LASP1: variants seen among roughly 807,000 people sequenced by gnomAD.
LASP1 encodes the protein LIM and SH3 protein 1.
Under a neutral mutation model 38.6 loss-of-function variants are expected in LASP1, and 10 were observed. That is an observed-to-expected ratio of 0.26 (90% confidence interval 0.16 to 0.44). The LOEUF is 0.44. Among genes scored for constraint, LASP1 ranks in the 20% least tolerant of loss-of-function variants. The pLI is 1.00. For synonymous variants in LASP1, 132 were observed against 140.8 expected (o/e 0.94, Z 0.44); for missense variants, 243 against 375.7 (o/e 0.65, Z 2.92).
At chr17:38,871,705 T>A (rs1167027904) in intron 1 of LASP1, among the ~76,000 whole-genome samples, 2 of 152,046 alleles carry the variant, frequency 1.3e-5, no homozygotes, top group Non-Finnish European at 2.9e-5. Context: ...TGAAAGATAT[T>A]TGAACTTGCT....
chr17:38,914,547 A>C, intron 5 of LASP1, 72 bp downstream of exon 5: 1 of 1,486,638 alleles, frequency 6.7e-7, no homozygotes, highest in South Asian at 1.3e-5. Context: ...CCAGGAGAAG[A>C]CAGACAGACA....
rs374865883 is a variant in LASP1, at chr17:38,918,619, G to A, written c.627G>A (p.Ala209=). The stretch of plus-strand genomic sequence containing the variant: ...TTCCCCCACAGAAGCGGTACCGCGC[G>A]GTGTATGACTACAGCGCCGCCGACG... ...APGGGGKRYR[A]VYDYSAADED... The change falls in exon 7 of 7, where the codon GCG becomes GCA. Residue 209 remains alanine, a synonymous_variant. Coordinates refer to ENST00000318008, the MANE Select transcript of LASP1 (RefSeq NM_006148.4). This position sits in a 1 kb window ranked among gnomAD's most constrained non-coding sequence, Gnocchi z 4.4. 352 of 1,600,274 alleles carry A rather than the reference G, an allele frequency of 2.2e-4. No homozygotes were observed. The highest frequency in any genetic ancestry group is 2.9e-4 in the Non-Finnish European group (337 of 1,169,550).
intron 4 of LASP1, among the ~76,000 whole-genome samples, chr17:38,911,852 G>C (rs902860030): frequency 1.3e-5 from 2 of 152,194 alleles, no homozygotes; most frequent in African/African-American, 4.8e-5. Flanking sequence ...GGAGTATAGT[G>C]GCATGATCTT....
chr17:38,887,798 T>G (rs1914186338), intron 2 of LASP1, among the ~76,000 whole-genome samples: 1 of 152,216 alleles, frequency 6.6e-6, no homozygotes, highest in Non-Finnish European at 1.5e-5. Flanking sequence ...CTCCAAATCC[T>G]GAGCCCTGCC....
intron 1 of LASP1, among the ~76,000 whole-genome samples, chr17:38,874,743 G>T (rs1246597437): frequency 6.6e-6 from 1 of 152,142 alleles, no homozygotes; most frequent in Non-Finnish European, 1.5e-5. Context: ...CCCCACCCTT[G>T]GGTGTCTGGA....
In LASP1 at chr17:38,914,373, G is replaced by T. The variant is rs779695951; in HGVS notation, c.406G>T (p.Gly136Cys). The T allele has an allele frequency of 3.1e-6, 5 of 1,612,036 alleles. No homozygotes were observed. Among genetic ancestry groups the T allele is most frequent in the Non-Finnish European group, 1.7e-6 (2 of 1,179,756 alleles). ...FEKSRMGPSG[G>C]EGMEPERRDS... ...GAAGAGCCGCATGGGCCCTAGCGGG[G>T]GCGAGGGCATGGAGCCAGAGCGTCG... Residue 136 changes from glycine to cysteine, a missense_variant, in exon 5 of 7, where the codon GGC (glycine) becomes TGC (cysteine). Transcript: ENST00000318008.
Position 38,914,451 on chromosome 17 carries a change from C to T in LASP1, c.484C>T (p.His162Tyr), listed in dbSNP as rs745915600. The change falls in exon 5 of 7, where the codon CAC (histidine) becomes TAC (tyrosine). Residue 162 changes from histidine to tyrosine, a missense_variant. Physicochemically the swap from His to Tyr is moderately conservative, Grantham distance 83. Around this residue, in one of 4 missense-constraint regions of LASP1, gnomAD observed 165 missense variants for 210.3 expected, o/e 0.78. Coordinates refer to ENST00000318008, the MANE Select transcript of LASP1 (RefSeq NM_006148.4). ...GCGGCCCCTGGAGCAGCAGCAGCCTCACCACATCCCGACCAGTGCCCCGGG... is the reference window on the plus strand; with the variant it reads ...GCGGCCCCTGGAGCAGCAGCAGCCTTACCACATCCCGACCAGTGCCCCGGG... The part of the protein sequence containing the change: ...YRRPLEQQQP[H>Y]HIPTSAPVYQ... 3.7e-6 allele frequency: 6 copies of T among 1,609,032 alleles called. No homozygotes were observed. The highest frequency in any genetic ancestry group is 1.3e-5 in the African/African-American group (1 of 74,842).
chr17:38,898,641 T>G, intron 4 of LASP1, 122 bp downstream of exon 4: 1 of 753,776 alleles, frequency 1.3e-6, no homozygotes, highest in Non-Finnish European at 2.3e-6. Flanking sequence ...ACCCCTGCCC[T>G]CCAGGGTGGG....
chr17:38,895,156 A>AT (rs1567699728), intron 3 of LASP1, among the ~76,000 whole-genome samples: 1 of 151,354 alleles, frequency 6.6e-6, no homozygotes, highest in Non-Finnish European at 1.5e-5. Context: ...TAAATTTTGT[A>AT]TTTTTTTAGA....
chr17:38,873,663 A>G (rs1598102050), intron 1 of LASP1, among the ~76,000 whole-genome samples: 1 of 152,200 alleles, frequency 6.6e-6, no homozygotes, highest in East Asian at 1.9e-4. Context: ...CACTGGGAAT[A>G]ATCCTGTCCT....
At position 38,884,506 on chromosome 17, in the gene LASP1, G is replaced by T. The variant is rs111454919; in HGVS notation, c.165-5914G>T. Among the ~76,000 whole-genome samples the T allele has an allele frequency of 8.6e-3, 1,302 of 151,536 alleles. 26 individuals are homozygous for T. Among genetic ancestry groups the T allele is most frequent in the African/African-American group, 0.028 (1,142 of 41,256 alleles). On this transcript the variant is annotated intron_variant, in intron 2 of 6. Transcript: ENST00000318008. The stretch of plus-strand genomic sequence containing the variant: ...GGGTTCAAGCGGTTCTCCCGCCTCA[G>T]CCTCCCAAGTAGCGGGGATTACAGG...
At chr17:38,871,781 G>C (rs1321098330) in intron 1 of LASP1, among the ~76,000 whole-genome samples, 1 of 152,080 alleles carries the variant, frequency 6.6e-6, no homozygotes, top group African/African-American at 2.4e-5. Context: ...GGGCTTGACT[G>C]GGCAGGAGGA....
rs1220941894 is a variant in LASP1 at position 38,876,644 on chromosome 17, G to A, written c.70-1442G>A. 1.3e-5 allele frequency among the ~76,000 whole-genome samples: 2 copies of A among 152,090 alleles called. 1 individual carries two copies. Among genetic ancestry groups the A allele is most frequent in the Middle Eastern group, 6.8e-3 (2 of 294 alleles). ...CTCCCGAAGTGCTCGGATTATAGGCGTGAGCCACCGCTCCCGGCTAGATCT... is the reference window on the plus strand; with the variant it reads ...CTCCCGAAGTGCTCGGATTATAGGCATGAGCCACCGCTCCCGGCTAGATCT... On this transcript the variant is annotated intron_variant, in intron 1 of 6. Transcript: ENST00000318008.
intron 4 of LASP1, among the ~76,000 whole-genome samples, chr17:38,901,927 G>A (rs557619611): frequency 1.3e-5 from 2 of 152,042 alleles, no homozygotes; most frequent in African/African-American, 2.4e-5. Flanking sequence ...CACCACGCCC[G>A]GCTAATAGTT....
chr17:38,870,892 ACCT>A (rs1913587878), intron 1 of LASP1, among the ~76,000 whole-genome samples: 1 of 151,792 alleles, frequency 6.6e-6, no homozygotes. Flanking sequence ...GGACTCGCAG[ACCT>A]CCTCCACAGC....
rs576685724 is a variant in LASP1 at position 38,918,527 on chromosome 17, G to T, written c.613-78G>T. ...CTCCCCCAGGCTCTGCTCCAGGGTC[G>T]TGGAGAGTTAGAAAAAAATGCTCAG... On this transcript the variant is annotated intron_variant, in intron 6 of 6. Coordinates refer to ENST00000318008, the MANE Select transcript of LASP1 (RefSeq NM_006148.4). The surrounding 1 kb of genome is among the most constrained non-coding windows in gnomAD (Gnocchi z 4.4). The T allele has an allele frequency of 8.4e-6, 12 of 1,425,316 alleles. No individual in the cohort carries two copies. 88.3% of individuals were successfully genotyped at this position (1,425,316 alleles called of 1,614,324 possible).
chr17:38,905,530 CAAAAAAAAAA>C (rs35515925), intron 4 of LASP1, among the ~76,000 whole-genome samples: 1 of 93,128 alleles, frequency 1.1e-5, no homozygotes, highest in African/African-American at 4.2e-5. Context: ...GACTCCATCT[CAAAAAAAAAA>C]AAAAAAAAAA....
chr17:38,878,015 C>T (rs1913830525), intron 1 of LASP1, 71 bp from the exon 2 acceptor site: 2 of 1,185,682 alleles, frequency 1.7e-6, no homozygotes, highest in African/African-American at 1.5e-5. Context: ...CTGAGTGCCC[C>T]TTCCTAGGGC....
intron 2 of LASP1, among the ~76,000 whole-genome samples, chr17:38,887,938 G>C (rs1327164014): frequency 6.6e-6 from 1 of 152,116 alleles, no homozygotes; most frequent in Non-Finnish European, 1.5e-5. Flanking sequence ...TGTCAGTTTT[G>C]GGTGGAACGT....
Sources: gnomAD v4.1 joint callset for allele counts (sites outside exome capture counted in the v4.1 genomes callset) on GRCh38, gnomAD v4.1.1 for gene constraint, gnomAD v4.1.1 regional missense constraint, Gnocchi (gnomAD v3.1) non-coding constraint, MANE v1.5 for transcripts, NCBI Gene and HGNC (gene_info 2026-07-23, HGNC 2026-07-21) for gene names.